Variants in CPVL observed in about 807,000 individuals in gnomAD.
CPVL encodes the protein probable serine carboxypeptidase CPVL.
In CPVL, 51 loss-of-function variants were observed where a neutral mutation model predicts 63.7. The ratio of observed to expected loss-of-function variants is 0.80; its 90% CI spans 0.64 to 1.01. The LOEUF is 1.01. Among genes scored for constraint, CPVL ranks in the 50% least tolerant of loss-of-function variants. The pLI, the probability that CPVL is intolerant of heterozygous loss-of-function variation, is 0.00. For missense variants in CPVL, 530 were observed against 573.1 expected (o/e 0.92, Z 0.77); for synonymous variants, 195 against 206.0 (o/e 0.95, Z 0.46).
intron 2 of CPVL, among the ~76,000 whole-genome samples, chr7:29,118,687 T>C (rs542035263): frequency 3.7e-4 from 57 of 152,370 alleles, no homozygotes; most frequent in African/African-American, 1.2e-3. Flanking sequence ...GACATCCTAT[T>C]GGCTGTGAGA....
At chr7:29,041,382 A>G (rs1789075424) in intron 11 of CPVL, among the ~76,000 whole-genome samples, 1 of 151,886 alleles carries the variant, frequency 6.6e-6, no homozygotes, top group Non-Finnish European at 1.5e-5. Context: ...TGGCCCAATA[A>G]CTGAATTTTA....
At chr7:29,076,850 G>T (rs1051470327) in intron 7 of CPVL, among the ~76,000 whole-genome samples, 1 of 152,150 alleles carries the variant, frequency 6.6e-6, no homozygotes, top group African/African-American at 2.4e-5. Flanking sequence ...AGAGAAAAAG[G>T]CCTCAACATC....
intron 12 of CPVL, among the ~76,000 whole-genome samples, chr7:29,023,351 G>C (rs776405951): frequency 2.0e-5 from 3 of 152,206 alleles, no homozygotes; most frequent in Non-Finnish European, 4.4e-5. Context: ...AGGCAAGAGA[G>C]CTTGTGTGGA....
chr7:29,189,748 C>T (rs1221787680), intron 1 of CPVL, among the ~76,000 whole-genome samples: 1 of 152,112 alleles, frequency 6.6e-6, no homozygotes, highest in Non-Finnish European at 1.5e-5. Context: ...CAGCGGATGG[C>T]ATGCCTTAAG....
intron 5 of CPVL, among the ~76,000 whole-genome samples, chr7:29,178,585 C>G (rs1199751627): frequency 1.3e-5 from 2 of 152,028 alleles, no homozygotes; most frequent in African/African-American, 4.8e-5. Flanking sequence ...ACACATTTTT[C>G]AGCATTTGAA....
At chr7:29,167,940 C>T (rs913027884) in intron 5 of CPVL, among the ~76,000 whole-genome samples, 6 of 152,164 alleles carry the variant, frequency 3.9e-5, no homozygotes, top group African/African-American at 7.2e-5. Flanking sequence ...CCTACAACAT[C>T]GGAGGTAACT....
intron 5 of CPVL, 26 bp from the exon 6 acceptor site, chr7:29,092,728 A>G (rs745983025): frequency 6.6e-7 from 1 of 1,524,380 alleles, no homozygotes; most frequent in South Asian, 1.1e-5. Flanking sequence ...ACACGCAGGT[A>G]TAAACACAGA....
intron 3 of CPVL, among the ~76,000 whole-genome samples, chr7:29,110,482 TCA>T (rs1328291871): frequency 6.6e-6 from 1 of 152,196 alleles, no homozygotes; most frequent in African/African-American, 2.4e-5. Flanking sequence ...TGGAGTGGTT[TCA>T]CAGAGAATGG....
intron 11 of CPVL, among the ~76,000 whole-genome samples, chr7:29,040,658 T>A (rs1273948355): frequency 6.6e-6 from 1 of 152,126 alleles, no homozygotes; most frequent in Non-Finnish European, 1.5e-5. Context: ...AGAGAGTAAG[T>A]GAACTTAGAA....
At position 29,059,795 on chromosome 7, in the gene CPVL, C is replaced by T. The variant is rs1160366214; in HGVS notation, c.1137+4266G>A. On this transcript the variant is annotated intron_variant, in intron 11 of 12. Transcript: ENST00000265394. Reference sequence around the variant, plus strand: ...CCCTATGGAGCCTCTAGTAATTTACCAATTACTGTTCAGGTTTCCCTTCCT... The same window carrying T: ...CCCTATGGAGCCTCTAGTAATTTACTAATTACTGTTCAGGTTTCCCTTCCT... Among the ~76,000 whole-genome samples the T allele has an allele frequency of 2.0e-5, 3 of 152,082 alleles. No homozygotes were observed. The East Asian group carries it at 5.8e-4, about 29-fold the overall frequency.
At chr7:29,031,998 T>C (rs1041945897) in intron 11 of CPVL, among the ~76,000 whole-genome samples, 2 of 152,182 alleles carry the variant, frequency 1.3e-5, no homozygotes, top group African/African-American at 4.8e-5. Context: ...CTCCTTTTTT[T>C]CTACTCTTAC....
intron 6 of CPVL, 47 bp from the exon 7 acceptor site, chr7:29,086,597 T>C: frequency 1.5e-6 from 2 of 1,355,574 alleles, no homozygotes; most frequent in Non-Finnish European, 2.1e-6. Context: ...AGAAAAATGA[T>C]TCAGGATCTC....
At chr7:29,120,698 A>G (rs1789272207) in intron 2 of CPVL, among the ~76,000 whole-genome samples, 195 bp downstream of exon 2, 1 of 150,630 alleles carries the variant, frequency 6.6e-6, no homozygotes, top group African/African-American at 2.4e-5. Context: ...GCTTGTGCCT[A>G]TAATCCCAGC....
At chr7:29,068,232 G>C (rs550140138) in intron 9 of CPVL, among the ~76,000 whole-genome samples, 1 of 152,080 alleles carries the variant, frequency 6.6e-6, no homozygotes, top group Non-Finnish European at 1.5e-5. Flanking sequence ...GATCAGGCTG[G>C]TCTCGAACTC....
rs10658501 is a variant in CPVL at position 29,075,519 on chromosome 7, T to TAAAAA, written c.610-3101_610-3097dup. ...TCTTTTCTATTGAGAAGATACTTCT[T>TAAAAA]AAAAAAAAAAAAAAAAAAGCCATCA... On this transcript the variant is annotated intron_variant, in intron 7 of 12. Transcript: ENST00000265394. Among the ~76,000 whole-genome samples the TAAAAA allele has an allele frequency of 3.8e-4, 49 of 128,950 alleles. 23 individuals carry two copies. Among genetic ancestry groups the TAAAAA allele is most frequent in the Non-Finnish European group, 2.9e-4 (18 of 62,276 alleles). The allele number at this position is 128,950 out of a possible 152,430, so 84.6% of individuals were successfully genotyped here.
chr7:29,181,882 A>ATT (rs1264315476), intron 4 of CPVL, among the ~76,000 whole-genome samples: 2 of 152,146 alleles, frequency 1.3e-5, no homozygotes, highest in Non-Finnish European at 2.9e-5. Flanking sequence ...GTACCTAAGT[A>ATT]TTTATTCATG....
intron 11 of CPVL, among the ~76,000 whole-genome samples, chr7:29,062,655 G>C (rs756217423): frequency 2.1e-4 from 32 of 152,274 alleles, no homozygotes; most frequent in African/African-American, 7.5e-4. Context: ...GGACTGCCTG[G>C]ATAGTATTGC....
At chr7:29,109,242 T>C (rs1788017945) in intron 3 of CPVL, among the ~76,000 whole-genome samples, 2 of 152,258 alleles carry the variant, frequency 1.3e-5, no homozygotes, top group African/African-American at 2.4e-5. Flanking sequence ...CTGGAATTTA[T>C]TCTGCACTGA....
chr7:29,088,509 T>C (rs1785429993), intron 6 of CPVL, among the ~76,000 whole-genome samples: 1 of 152,178 alleles, frequency 6.6e-6, no homozygotes, highest in Non-Finnish European at 1.5e-5. Flanking sequence ...TCCTGTTTCT[T>C]AAAAGAGAGT....
Sources: allele counts gnomAD v4.1 joint callset (sites outside exome capture counted in the v4.1 genomes callset), GRCh38; gene constraint gnomAD v4.1.1; transcripts MANE v1.5; gene names NCBI Gene and HGNC (gene_info 2026-07-23, HGNC 2026-07-21).